The following SEMA5A variants were observed in gnomAD, a reference collection of about 807,000 sequenced individuals.
The protein encoded by SEMA5A is semaphorin 5A, also known as semaphorin-5A.
SEMA5A carries 55 observed loss-of-function variants against 135.5 expected under a neutral mutation model. The observed-to-expected ratio is 0.41, with a 90% CI of 0.33 to 0.51. The LOEUF (loss-of-function observed/expected upper bound fraction) is 0.51. Ranked by LOEUF, SEMA5A falls within the 20% of genes least tolerant of loss-of-function variation. SEMA5A has a pLI of 0.37. For missense variants in SEMA5A, 1,290 were observed against 1,419.9 expected, an observed-to-expected ratio of 0.91 and a Z score of 1.47; for synonymous variants, 580 against 546.5, an observed-to-expected ratio of 1.06 and a Z score of -0.85.
At chr5:9,102,689 T>C (rs1739695651) in intron 16 of SEMA5A, among the ~76,000 whole-genome samples, 1 of 152,190 alleles carries the variant, frequency 6.6e-6, no homozygotes, top group Non-Finnish European at 1.5e-5. Flanking sequence ...ATGCTTTAAA[T>C]ATCACCAAAT....
At chr5:9,343,540 A>AAAGATCCATCC in intron 3 of SEMA5A, among the ~76,000 whole-genome samples, 1 of 152,158 alleles carries the variant, frequency 6.6e-6, no homozygotes. Flanking sequence ...GAAGTTGTGA[A>AAAGATCCATCC]AAGATCCATC....
intron 8 of SEMA5A, among the ~76,000 whole-genome samples, chr5:9,207,307 T>C (rs1337641415): frequency 6.6e-6 from 1 of 151,814 alleles, no homozygotes; most frequent in East Asian, 1.9e-4. Context: ...TGCCTCAGCC[T>C]TCCAAGTAGC....
At chr5:9,536,174 G>A (rs1186467353) in intron 1 of SEMA5A, among the ~76,000 whole-genome samples, 1 of 152,080 alleles carries the variant, frequency 6.6e-6, no homozygotes, top group Non-Finnish European at 1.5e-5. Flanking sequence ...ACTTTCTGGT[G>A]AACAAAGAGC....
chr5:9,296,544 C>G (rs977104706), intron 5 of SEMA5A, among the ~76,000 whole-genome samples: 1 of 152,072 alleles, frequency 6.6e-6, no homozygotes, highest in Admixed American at 6.6e-5. Flanking sequence ...CATTGCTTAA[C>G]AATTAATGTG....
chr5:9,393,634 G>A lies in SEMA5A; in HGVS notation c.-77-13611C>T, dbSNP rs900839466. ...CAATTACGAAGCACTAAAAAATTTTGACAATTATAAACAAATAAAGGCTAT... is the reference window on the plus strand; with the variant it reads ...CAATTACGAAGCACTAAAAAATTTTAACAATTATAAACAAATAAAGGCTAT... On this transcript the variant is annotated intron_variant, in intron 2 of 22. Transcript: ENST00000382496. Among the ~76,000 whole-genome samples, 6 of 152,058 alleles carry A rather than the reference G, an allele frequency of 3.9e-5. No homozygotes were observed. In the East Asian group the frequency reaches 1.2e-3, roughly 29 times the overall value.
chr5:9,088,659 T>TATATATATATACACACAC, intron 16 of SEMA5A, among the ~76,000 whole-genome samples: 5 of 112,888 alleles, frequency 4.4e-5, no homozygotes, highest in Non-Finnish European at 8.7e-5. Flanking sequence ...TATATATATA[T>TATATATATATACACACAC]ACACACACAC....
intron 5 of SEMA5A, among the ~76,000 whole-genome samples, chr5:9,267,454 C>G (rs751355084): frequency 2.0e-5 from 3 of 152,128 alleles, no homozygotes; most frequent in African/African-American, 7.2e-5. Flanking sequence ...CACCCCATAC[C>G]TTGTACTCTT....
intron 16 of SEMA5A, among the ~76,000 whole-genome samples, chr5:9,070,139 G>A (rs1737695745): frequency 6.6e-6 from 1 of 152,198 alleles, no homozygotes; most frequent in South Asian, 2.1e-4. Context: ...GGGAAGCCAA[G>A]GTGGGCGGAT....
At chr5:9,182,859 T>A (rs1221657220) in intron 11 of SEMA5A, among the ~76,000 whole-genome samples, 3 of 152,180 alleles carry the variant, frequency 2.0e-5, no homozygotes, top group Non-Finnish European at 4.4e-5. Flanking sequence ...TAGATAGTAA[T>A]CTTTGAAAAC....
intron 1 of SEMA5A, among the ~76,000 whole-genome samples, chr5:9,483,582 ATACAGACGTGGAGTAAAC>A (rs1179379038): frequency 2.0e-5 from 3 of 152,220 alleles, no homozygotes; most frequent in African/African-American, 2.4e-5. Flanking sequence ...AAAAAAGAAC[ATACAGACGTGGAGTAAAC>A]TACTGACCAC....
intron 6 of SEMA5A, among the ~76,000 whole-genome samples, chr5:9,230,358 G>A (rs1747561665): frequency 6.6e-6 from 1 of 151,972 alleles, no homozygotes; most frequent in Admixed American, 6.5e-5. Flanking sequence ...CAGCATGTTG[G>A]TCAGAATGTG....
chr5:9,258,706 A>T (rs194158), intron 5 of SEMA5A, among the ~76,000 whole-genome samples: 35,623 of 151,942 alleles, frequency 0.23, 4,120 homozygotes, highest in Middle Eastern at 0.3. Context: ...AGGAGTGCTT[A>T]CAAATAGCAT....
chr5:9,199,128 C>A (rs1237793692), intron 9 of SEMA5A, among the ~76,000 whole-genome samples: 1 of 152,116 alleles, frequency 6.6e-6, no homozygotes, highest in Admixed American at 6.5e-5. Context: ...AAGGAAGAAC[C>A]TAATCTTCTT....
At chr5:9,544,256 G>A (rs1243401495) in intron 1 of SEMA5A, among the ~76,000 whole-genome samples, 1 of 152,036 alleles carries the variant, frequency 6.6e-6, no homozygotes, top group South Asian at 2.1e-4. Context: ...GACTCCTGAT[G>A]TGTTAACTAA....
intron 12 of SEMA5A, among the ~76,000 whole-genome samples, chr5:9,154,062 AATATATATAT>A (rs1553993746): frequency 1.5e-5 from 1 of 68,298 alleles, no homozygotes; most frequent in Non-Finnish European, 3.1e-5. Flanking sequence ...AAAAAAAAAA[AATATATATAT>A]ATATATATAT....
chr5:9,531,772 GC>G (rs1028722734), intron 1 of SEMA5A, among the ~76,000 whole-genome samples: 5 of 152,176 alleles, frequency 3.3e-5, no homozygotes, highest in African/African-American at 1.2e-4. Context: ...CCAGGGCAGA[GC>G]CTAGGGTCTG....
At chr5:9,161,889 G>T (rs985461075) in intron 11 of SEMA5A, among the ~76,000 whole-genome samples, 1 of 152,206 alleles carries the variant, frequency 6.6e-6, no homozygotes, top group Admixed American at 6.5e-5. Flanking sequence ...CCAAGGTGAA[G>T]TGACAGCTCA....
At chr5:9,530,220 TG>T (rs1376186687) in intron 1 of SEMA5A, among the ~76,000 whole-genome samples, 2 of 152,144 alleles carry the variant, frequency 1.3e-5, no homozygotes, top group East Asian at 1.9e-4. Flanking sequence ...AGTTATACCA[TG>T]GAGGGACAGA....
chr5:9,304,347 C>T (rs905465610), intron 5 of SEMA5A, among the ~76,000 whole-genome samples: 3 of 151,952 alleles, frequency 2.0e-5, no homozygotes, highest in East Asian at 1.9e-4. Flanking sequence ...TAATAATTTT[C>T]GATGAACTAT....
Sources: allele counts gnomAD v4.1 joint callset (sites outside exome capture counted in the v4.1 genomes callset), GRCh38; gene constraint gnomAD v4.1.1; transcripts MANE v1.5; gene names NCBI Gene and HGNC (gene_info 2026-07-23, HGNC 2026-07-21).